GALNT5: variants seen among roughly 807,000 people sequenced by gnomAD.
The protein encoded by GALNT5 is polypeptide N-acetylgalactosaminyltransferase 5.
Under a neutral mutation model 85.4 loss-of-function variants are expected in GALNT5, and 72 were observed. The observed-to-expected ratio is 0.84, with a 90% CI of 0.70 to 1.03. The LOEUF (loss-of-function observed/expected upper bound fraction) is 1.03, where lower values mean the gene tolerates loss of function less well. Among genes scored for constraint, GALNT5 ranks in the 50% least tolerant of loss-of-function variants. GALNT5 has a pLI of 0.00. For missense variants in GALNT5, 1,137 were observed against 1,135.5 expected (o/e 1.00, Z -0.02); for synonymous variants, 404 against 397.0 (o/e 1.02, Z -0.21).
At chr2:157,282,290 T>C (rs1682873176) in intron 1 of GALNT5, among the ~76,000 whole-genome samples, 1 of 152,028 alleles carries the variant, frequency 6.6e-6, no homozygotes. Context: ...CTCAAGTTCT[T>C]AAACTCACCA....
In GALNT5 at chr2:157,315,185, T is replaced by C. The variant is rs1242590927; in HGVS notation, c.*3837T>C. The stretch of plus-strand genomic sequence containing the variant: ...GAAAAAAGAAAGGAACTAATTATCA[T>C]TGAGTGTGTGTAGGTACTATTTGTG... On this transcript the variant is annotated 3_prime_UTR_variant, in exon 10 of 10. Transcript: ENST00000259056. Among the ~76,000 whole-genome samples, 2 of 152,148 alleles carry C rather than the reference T, an allele frequency of 1.3e-5. No individual in the cohort carries two copies. Among genetic ancestry groups the C allele is most frequent in the African/African-American group, 2.4e-5 (1 of 41,446 alleles).
At position 157,317,682 on chromosome 2, in the gene GALNT5, T is replaced by C. The variant is rs969648038; in HGVS notation, c.*6334T>C. On this transcript the variant is annotated 3_prime_UTR_variant, in exon 10 of 10. Transcript: ENST00000259056. ...TATTATAAAGAAGGAATCAAGTATG[T>C]AACTTTAAATTCTAGGTAAACATCC... Among the ~76,000 whole-genome samples the C allele has an allele frequency of 2.0e-5, 3 of 152,172 alleles. No individual in the cohort carries two copies. Among genetic ancestry groups the C allele is most frequent in the Non-Finnish European group, 4.4e-5 (3 of 68,008 alleles).
Position 157,317,960 on chromosome 2 carries a change from C to G in GALNT5, c.*6612C>G, listed in dbSNP as rs574397298. On this transcript the variant is annotated 3_prime_UTR_variant, in exon 10 of 10. Transcript: ENST00000259056. ...GAATATTGTAGGGGTTATCAGAAACCCATATTCATTGTGGTATGTTTCTGT... is the reference window on the plus strand; with the variant it reads ...GAATATTGTAGGGGTTATCAGAAACGCATATTCATTGTGGTATGTTTCTGT... Among the ~76,000 whole-genome samples the G allele has an allele frequency of 2.5e-4, 38 of 152,124 alleles. No individual in the cohort carries two copies. The highest frequency in any genetic ancestry group is 8.7e-4 in the African/African-American group (36 of 41,524).
intron 1 of GALNT5, among the ~76,000 whole-genome samples, chr2:157,263,026 A>G (rs1235639238): frequency 2.6e-5 from 4 of 151,178 alleles, no homozygotes; most frequent in African/African-American, 7.4e-5. Context: ...ACGGGGTTTC[A>G]CCGTGTTAGC....
At chr2:157,305,955 A>G (rs976287732) in intron 8 of GALNT5, 126 bp downstream of exon 8, 4 of 619,346 alleles carry the variant, frequency 6.5e-6, no homozygotes. Context: ...TTGTAAAAAG[A>G]GAGTCCACCA....
intron 1 of GALNT5, among the ~76,000 whole-genome samples, chr2:157,261,805 T>C (rs1426562009): frequency 6.6e-6 from 1 of 152,156 alleles, no homozygotes; most frequent in African/African-American, 2.4e-5. Context: ...TTTGGCAAGA[T>C]TTGGAGTGTT....
At chr2:157,297,341 A>T (rs1325980137) in intron 5 of GALNT5, among the ~76,000 whole-genome samples, 2 of 152,348 alleles carry the variant, frequency 1.3e-5, no homozygotes, top group East Asian at 3.9e-4. Context: ...TCTACCATTT[A>T]TTGAGCACTC....
In GALNT5 at chr2:157,318,352, TA is replaced by T. The variant is rs1683768570; in HGVS notation, c.*7007del. Among the ~76,000 whole-genome samples, 1 of 152,182 alleles carries T rather than the reference TA, an allele frequency of 6.6e-6. No homozygotes were observed. Among genetic ancestry groups the T allele is most frequent in the Admixed American group, 6.6e-5 (1 of 15,260 alleles). ...AAGTTGTTCGTGTTAAGATGCATCT[TA>T]AACATGATCTCAGTTCCTTAAAAAA... On this transcript the variant is annotated 3_prime_UTR_variant, in exon 10 of 10. Coordinates refer to ENST00000259056, the MANE Select transcript of GALNT5 (RefSeq NM_014568.3).
chr2:157,288,434 T>C (rs1161722066), intron 3 of GALNT5, among the ~76,000 whole-genome samples: 1 of 152,178 alleles, frequency 6.6e-6, no homozygotes, highest in African/African-American at 2.4e-5. Flanking sequence ...CTAGTTTAAA[T>C]AGGTAATTTT....
Position 157,259,508 on chromosome 2 carries a change from A to G in GALNT5, c.1426A>G (p.Arg476Gly). The change falls in exon 1 of 10, where the codon AGA becomes GGA. Residue 476 changes from arginine to glycine, a missense_variant. Transcript: ENST00000259056. Reference protein sequence around the residue: ...VYLSDLIPVDRAIEDTRPAGC... With the variant: ...VYLSDLIPVDGAIEDTRPAGC... Reference sequence around the variant, plus strand: ...CCTTAGCGATTTGATCCCAGTGGATAGAGCCATTGAAGACACCAGACCTGC... The same window carrying G: ...CCTTAGCGATTTGATCCCAGTGGATGGAGCCATTGAAGACACCAGACCTGC... 7.1e-7 allele frequency: 1 copy of G among 1,398,776 alleles called. No individual in the cohort carries two copies. Among genetic ancestry groups the G allele is most frequent in the Non-Finnish European group, 9.4e-7 (1 of 1,068,166 alleles). The allele number at this position is 1,398,776 out of a possible 1,614,324, so 86.6% of individuals were successfully genotyped here.
At chr2:157,301,117 A>G (rs1683334341) in intron 7 of GALNT5, 118 bp downstream of exon 7, 2 of 716,444 alleles carry the variant, frequency 2.8e-6, no homozygotes, top group East Asian at 5.2e-5. Flanking sequence ...GTATGAGCAA[A>G]GATGGGACAA....
rs1200381899 is a variant in GALNT5 at position 157,318,218 on chromosome 2, T to A, written c.*6870T>A. On this transcript the variant is annotated 3_prime_UTR_variant, in exon 10 of 10. Transcript: ENST00000259056. ...GAAAAACTTAAATGTCCGTTCTCCA[T>A]TTGAAAATATGCCAAAAGTATGATC... Among the ~76,000 whole-genome samples, 1 of 152,150 alleles carries A rather than the reference T, an allele frequency of 6.6e-6. No homozygotes were observed. The highest frequency in any genetic ancestry group is 1.5e-5 in the Non-Finnish European group (1 of 68,002).
At chr2:157,259,655 T>A in intron 1 of GALNT5, 119 bp downstream of exon 1, 1 of 657,890 alleles carries the variant, frequency 1.5e-6, no homozygotes, top group Non-Finnish European at 2.3e-6. Context: ...AAAGAAACAT[T>A]AATCATTGGA....
rs759070129 is a variant in GALNT5 at position 157,258,511 on chromosome 2, G to A, written c.429G>A (p.Lys143=). The change falls in exon 1 of 10, where the codon AAG becomes AAA. Residue 143 remains lysine (K), a synonymous_variant. Transcript: ENST00000259056. ...TCCCTGTGACTCCTAACAAGCAGAA[G>A]ACAGACGGGAGAGGCACCAAACCTG... ...QTLPVTPNKQ[K]TDGRGTKPEA... 6.8e-6 allele frequency: 11 copies of A among 1,611,720 alleles called. No homozygotes were observed. The Admixed American group carries it at 1.3e-4, about 20-fold the overall frequency.
At chr2:157,306,791 G>T (rs749606696) in intron 8 of GALNT5, among the ~76,000 whole-genome samples, 1 of 152,122 alleles carries the variant, frequency 6.6e-6, no homozygotes, top group Non-Finnish European at 1.5e-5. Flanking sequence ...AGAAGAAAAG[G>T]TATCTCTGTT....
chr2:157,287,329 T>A (rs1683003944), intron 3 of GALNT5, among the ~76,000 whole-genome samples: 1 of 152,186 alleles, frequency 6.6e-6, no homozygotes, highest in Admixed American at 6.5e-5. Context: ...CTATAATTCA[T>A]TCTTTTTTAT....
In GALNT5 at chr2:157,314,903, C is replaced by G. The variant is rs144284501; in HGVS notation, c.*3555C>G. ...GACCAGCCTGGGCAACATGGTGAAA[C>G]CCCGTCTCTACTAAAAATACAAAAA... On this transcript the variant is annotated 3_prime_UTR_variant, in exon 10 of 10. Coordinates refer to ENST00000259056, the MANE Select transcript of GALNT5 (RefSeq NM_014568.3). Among the ~76,000 whole-genome samples, 1,647 of 152,152 alleles carry G rather than the reference C, an allele frequency of 0.011. 28 individuals are homozygous for G. The highest frequency in any genetic ancestry group is 0.013 in the Non-Finnish European group (897 of 67,996).
At chr2:157,273,137 AC>A (rs1682628355) in intron 1 of GALNT5, among the ~76,000 whole-genome samples, 11 of 151,684 alleles carry the variant, frequency 7.3e-5, no homozygotes, top group Admixed American at 6.6e-4. Flanking sequence ...CTCTAGCCCC[AC>A]CAATTCTCTC....
In GALNT5 at chr2:157,270,925, C is replaced by T. The variant is rs1049035738; in HGVS notation, c.1454+11389C>T. On this transcript the variant is annotated intron_variant, in intron 1 of 9. Transcript: ENST00000259056. ...GGTCAGGAGATCGAGACCATCCTGG[C>T]TAATATGGTGAAACCCCGTCTCTAC... 2.0e-5 allele frequency among the ~76,000 whole-genome samples: 3 copies of T among 152,152 alleles called. No homozygotes were observed. In the South Asian group the frequency reaches 6.2e-4, roughly 32 times the overall value.
Sources: allele counts gnomAD v4.1 joint callset (sites outside exome capture counted in the v4.1 genomes callset), GRCh38; gene constraint gnomAD v4.1.1; transcripts MANE v1.5; gene names NCBI Gene and HGNC (gene_info 2026-07-23, HGNC 2026-07-21).